IPO8: variants seen among roughly 807,000 people sequenced by gnomAD.
IPO8 encodes importin-8.
In IPO8, 65 loss-of-function variants were observed where a neutral mutation model predicts 141.2. The observed-to-expected ratio is 0.46, with a 90% confidence interval of 0.38 to 0.57. The LOEUF (loss-of-function observed/expected upper bound fraction) is 0.57. Ranked by LOEUF, IPO8 falls within the 20% of genes least tolerant of loss-of-function variation. The probability of loss-of-function intolerance (pLI) is 0.00; values close to 1 mark genes in which losing one functional copy is unlikely to be tolerated. For missense variants in IPO8, 980 were observed against 1,246.8 expected (o/e 0.79, Z 3.22); for synonymous variants, 411 against 420.3 (o/e 0.98, Z 0.27).
chr12:30,692,300 A>T (rs1213462485), intron 1 of IPO8, among the ~76,000 whole-genome samples: 8 of 152,212 alleles, frequency 5.3e-5, no homozygotes, highest in Non-Finnish European at 1.2e-4. Context: ...CACTGTTGCC[A>T]TTGTACAGAT....
intron 9 of IPO8, 34 bp downstream of exon 9, chr12:30,670,928 G>C (rs373974301): frequency 1.9e-6 from 3 of 1,584,118 alleles, no homozygotes; most frequent in Non-Finnish European, 2.6e-6. Flanking sequence ...TTTAACCAGA[G>C]AATAATTTTG....
intron 22 of IPO8, among the ~76,000 whole-genome samples, chr12:30,635,901 C>T (rs1335522117): frequency 1.3e-5 from 2 of 151,924 alleles, no homozygotes; most frequent in African/African-American, 4.8e-5. Context: ...AAAATTTTCC[C>T]TCAAGCCATA....
intron 20 of IPO8, among the ~76,000 whole-genome samples, chr12:30,640,582 T>C (rs1469965776): frequency 6.6e-6 from 1 of 152,198 alleles, no homozygotes; most frequent in African/African-American, 2.4e-5. Context: ...ACTCTACGTC[T>C]ACTTATGCTG....
chr12:30,641,753 G>T (rs1052205369), intron 20 of IPO8, among the ~76,000 whole-genome samples: 5 of 152,042 alleles, frequency 3.3e-5, no homozygotes, highest in African/African-American at 1.2e-4. Context: ...AATAATGTTG[G>T]TATAATTAGT....
chr12:30,656,611 G>T, intron 17 of IPO8, 73 bp downstream of exon 17: 1 of 800,198 alleles, frequency 1.2e-6, no homozygotes, highest in Non-Finnish European at 2.0e-6. Flanking sequence ...AATCTGAAGG[G>T]CTAAAATTAT....
chr12:30,653,778 G>T (rs1027839275), intron 17 of IPO8, among the ~76,000 whole-genome samples: 2 of 151,980 alleles, frequency 1.3e-5, no homozygotes, highest in Non-Finnish European at 2.9e-5. Context: ...GAGCAAAGAA[G>T]TCTAACTTGA....
intron 19 of IPO8, among the ~76,000 whole-genome samples, chr12:30,651,343 T>C (rs893351328): frequency 2.0e-5 from 3 of 152,138 alleles, no homozygotes; most frequent in African/African-American, 7.2e-5. Context: ...AGAACTGAAC[T>C]GAGACCTAGA....
In IPO8 at chr12:30,636,842, A is replaced by G. The variant is rs201000190; in HGVS notation, c.2695+140T>C. 3.9e-4 allele frequency: 286 copies of G among 726,430 alleles called. 1 individual carries two copies. The East Asian group carries it at 7.2e-3, about 18-fold the overall frequency. 45.0% of individuals were successfully genotyped at this position (726,430 alleles called of 1,614,324 possible). ...TGATACAATTAATAGCAAGTCAACCAAGCCCAAAATATTTGTTATATGTGT... is the reference window on the plus strand; with the variant it reads ...TGATACAATTAATAGCAAGTCAACCGAGCCCAAAATATTTGTTATATGTGT... On this transcript the variant is annotated intron_variant, in intron 22 of 24. Coordinates refer to ENST00000256079, the MANE Select transcript of IPO8 (RefSeq NM_006390.4).
chr12:30,647,420 G>A (rs1273192003), intron 20 of IPO8, among the ~76,000 whole-genome samples: 2 of 151,650 alleles, frequency 1.3e-5, no homozygotes, highest in African/African-American at 4.8e-5. Flanking sequence ...GACAACGGCT[G>A]GGTACAGTGG....
chr12:30,686,024 G>A (rs1157166849), intron 2 of IPO8, among the ~76,000 whole-genome samples: 1 of 151,958 alleles, frequency 6.6e-6, no homozygotes, highest in Non-Finnish European at 1.5e-5. Context: ...CTTGACATCT[G>A]GTAAGCTCCT....
In IPO8 at chr12:30,669,291, A is replaced by AT; in HGVS notation, c.1045-10_1045-9insA. ...ACATCTTCAGAGATATTCTAAAATG[A>AT]GAAAAAAAAAAAAACGTAACAAATG... On this transcript the variant is annotated splice_polypyrimidine_tract_variant and intron_variant, in intron 9 of 24. Coordinates refer to ENST00000256079, the MANE Select transcript of IPO8 (RefSeq NM_006390.4). 1.0e-5 allele frequency: 14 copies of AT among 1,342,586 alleles called. No homozygotes were observed. Among genetic ancestry groups the AT allele is most frequent in the Non-Finnish European group, 1.3e-5 (13 of 964,356 alleles). The allele number at this position is 1,342,586 out of a possible 1,614,324, so 83.2% of individuals were successfully genotyped here.
intron 20 of IPO8, among the ~76,000 whole-genome samples, chr12:30,645,844 T>C (rs946751571): frequency 6.6e-6 from 1 of 151,852 alleles, no homozygotes; most frequent in African/African-American, 2.4e-5. Flanking sequence ...AGAGACTGAA[T>C]TGGCCATTTA....
intron 8 of IPO8, among the ~76,000 whole-genome samples, chr12:30,673,302 C>T (rs1565506090): frequency 6.6e-6 from 1 of 152,102 alleles, no homozygotes; most frequent in Non-Finnish European, 1.5e-5. Flanking sequence ...TAAAGCTTTT[C>T]CCTATGTCTA....
At chr12:30,634,316 T>C in intron 22 of IPO8, 30 bp from the exon 23 acceptor site, 2 of 1,556,610 alleles carry the variant, frequency 1.3e-6, no homozygotes, top group Middle Eastern at 1.7e-4. Flanking sequence ...TTAAAAGGAA[T>C]CAAAACACAT....
chr12:30,659,332 A>G (rs1246015944), intron 16 of IPO8, among the ~76,000 whole-genome samples: 1 of 152,006 alleles, frequency 6.6e-6, no homozygotes, highest in Non-Finnish European at 1.5e-5. Flanking sequence ...TCCACTAATA[A>G]TACAAAAATT....
chr12:30,644,856 T>C (rs12368765), intron 20 of IPO8, among the ~76,000 whole-genome samples: 84,167 of 150,656 alleles, frequency 0.56, 24,426 homozygotes, highest in African/African-American at 0.71. Flanking sequence ...TTTCACCATG[T>C]TGGCCAGGCT....
chr12:30,677,087 A>G, intron 5 of IPO8: 7 of 1,515,224 alleles, frequency 4.6e-6, no homozygotes, highest in Non-Finnish European at 6.2e-6. Context: ...TATTGCCTCC[A>G]CATCCATTCA....
At chr12:30,680,205 G>A (rs1454847830) in intron 5 of IPO8, among the ~76,000 whole-genome samples, 3 of 151,934 alleles carry the variant, frequency 2.0e-5, no homozygotes, top group African/African-American at 4.8e-5. Context: ...AGATAGTTGC[G>A]AGTAATCAGG....
In IPO8 at chr12:30,634,135, A is replaced by C. The variant is rs1400280286; in HGVS notation, c.2847T>G (p.Leu949=). Residue 949 remains leucine, a synonymous_variant, in exon 23 of 25, where the codon CTT becomes CTG. Coordinates refer to ENST00000256079, the MANE Select transcript of IPO8 (RefSeq NM_006390.4). ...ETALEGFSTP[L]DLDNSVDEYQ... ...ATTCATCCACACTATTGTCAAGGTC[A>C]AGTGGAGTACTGAACCCCTCAAGCG... The C allele has an allele frequency of 2.5e-6, 4 of 1,614,022 alleles. No homozygotes were observed. The highest frequency in any genetic ancestry group is 3.4e-6 in the Non-Finnish European group (4 of 1,179,908).
Sources: allele counts gnomAD v4.1 joint callset (sites outside exome capture counted in the v4.1 genomes callset), GRCh38; gene constraint gnomAD v4.1.1; transcripts MANE v1.5; gene names NCBI Gene and HGNC (gene_info 2026-07-23, HGNC 2026-07-21).